PPM1L: variants seen among roughly 807,000 people sequenced by gnomAD.
PPM1L encodes protein phosphatase 1L.
A neutral mutation model predicts 31.4 loss-of-function variants in PPM1L; 13 were observed. That is an observed-to-expected ratio of 0.41 (90% CI 0.27 to 0.66). The LOEUF is 0.66. PPM1L is among the 30% of genes least tolerant of loss of function. The pLI, the probability that PPM1L is intolerant of heterozygous loss-of-function variation, is 0.29. For missense variants in PPM1L, 326 were observed against 453.7 expected (o/e 0.72, Z 2.56); for synonymous variants, 184 against 175.4 (o/e 1.05, Z -0.39).
rs1189845626 is a variant in PPM1L, at chr3:160,780,127, A to G, written c.399+23420A>G. ...GCAGCCTCAAACTCCTGGGCAAGTG[A>G]TCCTCCCACCTCAGCTTCCTGAGTA... On this transcript the variant is annotated intron_variant, in intron 1 of 3. Transcript: ENST00000498165. 2.6e-5 allele frequency among the ~76,000 whole-genome samples: 4 copies of G among 151,958 alleles called. No individual in the cohort carries two copies. The South Asian group carries it at 6.2e-4, about 24-fold the overall frequency.
At chr3:161,042,750 G>A (rs1016775743) in intron 2 of PPM1L, among the ~76,000 whole-genome samples, 9 of 152,260 alleles carry the variant, frequency 5.9e-5, no homozygotes, top group African/African-American at 1.7e-4. Context: ...GCCAGGCACC[G>A]TGGCTCACGC....
intron 1 of PPM1L, among the ~76,000 whole-genome samples, chr3:160,871,308 T>G (rs1460453780): frequency 2.0e-5 from 3 of 151,804 alleles, no homozygotes; most frequent in African/African-American, 7.3e-5. Context: ...CAAAAAGAGG[T>G]TAAAGGGACA....
intron 1 of PPM1L, among the ~76,000 whole-genome samples, chr3:160,853,975 C>G (rs1711599511): frequency 1.3e-5 from 2 of 152,256 alleles, no homozygotes; most frequent in South Asian, 4.1e-4. Flanking sequence ...TACTTATATT[C>G]TGATCACAAG....
At chr3:160,789,714 G>GT (rs1251716377) in intron 1 of PPM1L, among the ~76,000 whole-genome samples, 1 of 151,170 alleles carries the variant, frequency 6.6e-6, no homozygotes. Flanking sequence ...TATGATCATA[G>GT]TTTTTTTTTC....
intron 2 of PPM1L, among the ~76,000 whole-genome samples, chr3:160,976,334 T>C (rs1345878689): frequency 1.4e-5 from 2 of 144,996 alleles, no homozygotes; most frequent in South Asian, 2.3e-4. Flanking sequence ...TCTAAAATTC[T>C]CTTTTTTGGT....
chr3:160,991,446 A>G (rs1390093105), intron 2 of PPM1L, among the ~76,000 whole-genome samples: 1 of 152,180 alleles, frequency 6.6e-6, no homozygotes, highest in African/African-American at 2.4e-5. Flanking sequence ...ATCCCCAAGG[A>G]GAGTTTAGTT....
intron 1 of PPM1L, among the ~76,000 whole-genome samples, chr3:160,899,371 A>G (rs943592677): frequency 6.6e-6 from 1 of 152,186 alleles, no homozygotes; most frequent in African/African-American, 2.4e-5. Flanking sequence ...AAAGCCAAGC[A>G]GAATAAATGT....
chr3:160,784,912 A>G (rs1319929799), intron 1 of PPM1L, among the ~76,000 whole-genome samples: 4 of 152,224 alleles, frequency 2.6e-5, no homozygotes, highest in African/African-American at 9.6e-5. Flanking sequence ...GATTGGAAAG[A>G]CAAAAGTGGT....
chr3:160,990,065 G>A (rs1717081993), intron 2 of PPM1L, among the ~76,000 whole-genome samples: 1 of 152,040 alleles, frequency 6.6e-6, no homozygotes, highest in Non-Finnish European at 1.5e-5. Flanking sequence ...CATGAACACA[G>A]CTCACTGCAG....
chr3:161,046,336 T>C (rs796464335), intron 2 of PPM1L, among the ~76,000 whole-genome samples: 2 of 151,948 alleles, frequency 1.3e-5, no homozygotes, highest in South Asian at 2.1e-4. Flanking sequence ...CTAGAAAATC[T>C]AGAAAAAATT....
intron 1 of PPM1L, among the ~76,000 whole-genome samples, chr3:160,914,144 G>A (rs1340181363): frequency 6.6e-6 from 1 of 152,084 alleles, no homozygotes; most frequent in Non-Finnish European, 1.5e-5. Flanking sequence ...GTGTGTATTG[G>A]TATATCATTG....
In PPM1L at chr3:161,073,287, C is replaced by A. The variant is rs2108117202; in HGVS notation, c.*4130C>A. On this transcript the variant is annotated 3_prime_UTR_variant, in exon 4 of 4. Coordinates refer to ENST00000498165, the MANE Select transcript of PPM1L (RefSeq NM_139245.4). ...CCCAGTGTTTTCCAGATTAATTTGACCACAGAAACTTTTTTGAGTGGCACC... is the reference window on the plus strand; with the variant it reads ...CCCAGTGTTTTCCAGATTAATTTGAACACAGAAACTTTTTTGAGTGGCACC... 1 of 152,256 alleles carries A rather than the reference C, an allele frequency of 6.6e-6. No individual in the cohort carries two copies. Among genetic ancestry groups the A allele is most frequent in the East Asian group, 1.9e-4 (1 of 5,184 alleles). 9.4% of individuals were successfully genotyped at this position (152,256 alleles called of 1,614,324 possible).
intron 1 of PPM1L, among the ~76,000 whole-genome samples, chr3:160,846,406 T>G (rs1368887890): frequency 6.6e-6 from 1 of 152,172 alleles, no homozygotes; most frequent in Non-Finnish European, 1.5e-5. Flanking sequence ...GGGAAATCTC[T>G]GCAGATACTT....
In PPM1L at chr3:160,892,903, C is replaced by A. The variant is rs1374906324; in HGVS notation, c.400-68833C>A. 2.6e-5 allele frequency among the ~76,000 whole-genome samples: 4 copies of A among 151,984 alleles called. No homozygotes were observed. In the South Asian group the frequency reaches 8.3e-4, roughly 31 times the overall value. On this transcript the variant is annotated intron_variant, in intron 1 of 3. Coordinates refer to ENST00000498165, the MANE Select transcript of PPM1L (RefSeq NM_139245.4). The stretch of plus-strand genomic sequence containing the variant: ...TTCATTGATAATAAAAATTATTATT[C>A]TTTTGGCCATATAACAGGATTTCTG...
intron 2 of PPM1L, among the ~76,000 whole-genome samples, chr3:161,013,090 T>C (rs1325203437): frequency 1.3e-5 from 2 of 152,194 alleles, no homozygotes; most frequent in Admixed American, 1.3e-4. Context: ...TGCTCTTGCT[T>C]CTCTAGTTCT....
rs1372653437 is a variant in PPM1L at position 160,944,919 on chromosome 3, TA to T, written c.400-16816del. 6.4e-3 allele frequency among the ~76,000 whole-genome samples: 483 copies of T among 75,922 alleles called. 19 individuals carry two copies. The highest frequency in any genetic ancestry group is 0.024 in the Middle Eastern group (2 of 82). The allele number at this position is 75,922 out of a possible 152,430, so 49.8% of individuals were successfully genotyped here. A position where few individuals can be genotyped will look rare whatever the true frequency, so the allele number is the denominator to read the frequency against. ...TAACTGATGTTACATATATAATATA[TA>T]GTGGAGATATATATATTATATATAA... On this transcript the variant is annotated intron_variant, in intron 1 of 3. Transcript: ENST00000498165.
chr3:160,961,835 A>T lies in PPM1L; in HGVS notation c.499A>T (p.Thr167Ser). ...DKENSVLSYQ[T>S]ILEQQILSID... is the part of the protein sequence containing the mutation. The stretch of plus-strand genomic sequence containing the variant: ...AGAAAATAGTGTATTATCTTACCAG[A>T]CCATCCTTGAACAGCAGATTTTGTC... Residue 167 changes from threonine to serine, a missense_variant, in exon 2 of 4, where the codon ACC becomes TCC. Around this residue, in one of 3 missense-constraint regions of PPM1L, gnomAD observed 201 missense variants for 298.2 expected, o/e 0.67. Coordinates refer to ENST00000498165, the MANE Select transcript of PPM1L (RefSeq NM_139245.4). The T allele has an allele frequency of 6.2e-7, 1 of 1,601,710 alleles. No individual in the cohort carries two copies.
chr3:160,858,387 C>T (rs1248277572), intron 1 of PPM1L, among the ~76,000 whole-genome samples: 5 of 152,140 alleles, frequency 3.3e-5, no homozygotes, highest in African/African-American at 1.2e-4. Flanking sequence ...GCTAGGATTG[C>T]AGGAGCCTGC....
intron 1 of PPM1L, among the ~76,000 whole-genome samples, chr3:160,862,858 C>T (rs540783894): frequency 6.6e-6 from 1 of 152,112 alleles, no homozygotes; most frequent in Admixed American, 6.5e-5. Flanking sequence ...TTTAAAAGCA[C>T]TAGTGTAAAG....
Sources: allele counts gnomAD v4.1 joint callset (sites outside exome capture counted in the v4.1 genomes callset), GRCh38; gene constraint gnomAD v4.1.1; regional missense constraint gnomAD v4.1.1; transcripts MANE v1.5; gene names NCBI Gene and HGNC (gene_info 2026-07-23, HGNC 2026-07-21).